Variants in TMEM42 observed in about 807,000 individuals in gnomAD.
TMEM42 encodes the protein transmembrane protein 42.
In TMEM42, 8 loss-of-function variants were observed where a neutral mutation model predicts 14.0. The ratio of observed to expected loss-of-function variants is 0.57; its 90% CI spans 0.34 to 1.03. TMEM42 has a LOEUF of 1.03. Among genes scored for constraint, TMEM42 ranks in the 50% least tolerant of loss-of-function variants. TMEM42 has a pLI of 0.03. For synonymous variants in TMEM42, 115 were observed against 94.3 expected (o/e 1.22, Z -1.27); for missense variants, 211 against 219.8 (o/e 0.96, Z 0.25).
chr3:44,864,015 G>A lies in TMEM42; in HGVS notation c.193-182G>A, dbSNP rs145274232. On this transcript the variant is annotated intron_variant, in intron 1 of 2. Transcript: ENST00000302392. The stretch of plus-strand genomic sequence containing the variant: ...CTGAATTTGCTTTATTTGTAAGATG[G>A]GTCTGCTGCCCACTGAGGGTTAAGT... 2.8e-4 allele frequency: 170 copies of A among 607,748 alleles called. No individual in the cohort carries two copies. In the African/African-American group the frequency reaches 2.8e-3, roughly 10 times the overall value. The allele number at this position is 607,748 out of a possible 1,614,324, so 37.6% of individuals were successfully genotyped here. A position where few individuals can be genotyped will look rare whatever the true frequency, so the allele number is the denominator to read the frequency against.
Position 44,865,029 on chromosome 3 carries a change from T to G in TMEM42, c.340-11T>G, listed in dbSNP as rs1201623249. On this transcript the variant is annotated splice_polypyrimidine_tract_variant and intron_variant, in intron 2 of 2. Transcript: ENST00000302392. ...GAAGTTGAGTCCCTCACAGCTATCT[T>G]TGTCTCGCAGGCCTTCCTGGGCTAT... 1 of 1,613,782 alleles carries G rather than the reference T, an allele frequency of 6.2e-7. No homozygotes were observed. Among genetic ancestry groups the G allele is most frequent in the Non-Finnish European group, 8.5e-7 (1 of 1,179,852 alleles).
chr3:44,863,912 A>C (rs1398288058), intron 1 of TMEM42: 1 of 436,576 alleles, frequency 2.3e-6, no homozygotes, highest in Non-Finnish European at 4.2e-6. Context: ...TGTTCAGTAG[A>C]AAATACTGGC....
rs116892735 is a variant in TMEM42 at position 44,862,905 on chromosome 3, T to C, written c.192+789T>C. 8.5e-5 allele frequency: 13 copies of C among 152,060 alleles called. No homozygotes were observed. The East Asian group carries it at 2.3e-3, about 27-fold the overall frequency. The allele number at this position is 152,060 out of a possible 1,614,324, so 9.4% of individuals were successfully genotyped here. On this transcript the variant is annotated intron_variant, in intron 1 of 2. Transcript: ENST00000302392. ...AGGTTAGTATCCCATTGGGTGTAGT[T>C]CATGGGGTAAGTGGTCGAAAGTAAA...
chr3:44,861,946 C>G lies in TMEM42; in HGVS notation c.22C>G (p.Pro8Ala). 1.4e-6 allele frequency: 2 copies of G among 1,407,778 alleles called. No homozygotes were observed. The highest frequency in any genetic ancestry group is 1.8e-6 in the Non-Finnish European group (2 of 1,083,520). 87.2% of individuals were successfully genotyped at this position (1,407,778 alleles called of 1,614,324 possible). Residue 8 changes from proline (P) to alanine (A), a missense_variant, in exon 1 of 3, where the codon CCG becomes GCG. Pro to Ala is a conservative substitution (Grantham distance 27). Coordinates refer to ENST00000302392, the MANE Select transcript of TMEM42 (RefSeq NM_144638.3). ...CAACATGGCCGAGAGGCCGGGGCCTCCGGGCGGCGCCGTGTCCGCGACCGC... is the reference window on the plus strand; with the variant it reads ...CAACATGGCCGAGAGGCCGGGGCCTGCGGGCGGCGCCGTGTCCGCGACCGC... Reference protein sequence around the residue: MAERPGPPGGAVSATAYP... With the variant: MAERPGPAGGAVSATAYP...
Position 44,864,358 on chromosome 3 carries a change from G to C in TMEM42, c.339+15G>C. On this transcript the variant is annotated intron_variant, in intron 2 of 2. Coordinates refer to ENST00000302392, the MANE Select transcript of TMEM42 (RefSeq NM_144638.3). ...TCCTCAGCTCGGTGAGTAGCCTGAG[G>C]GTGTGGTGCTCTTGTCCTAAATCTG... 1 of 1,613,864 alleles carries C rather than the reference G, an allele frequency of 6.2e-7. No individual in the cohort carries two copies. Among genetic ancestry groups the C allele is most frequent in the Non-Finnish European group, 8.5e-7 (1 of 1,179,908 alleles).
chr3:44,865,263 C>T lies in TMEM42; in HGVS notation c.*83C>T, dbSNP rs1023276849. 51 of 1,566,998 alleles carry T rather than the reference C, an allele frequency of 3.3e-5. No homozygotes were observed. The East Asian group carries it at 3.4e-4, about 10-fold the overall frequency. On this transcript the variant is annotated 3_prime_UTR_variant, in exon 3 of 3. Transcript: ENST00000302392. ...TGTCATGTGGGACTGTATCCTAGGG[C>T]GATCCAGTTGTGCAGCCTTCTGACC...
chr3:44,861,982 AC>A lies in TMEM42; in HGVS notation c.63del (p.Ala22ArgfsTer44). 2 of 1,377,444 alleles carry A rather than the reference AC, an allele frequency of 1.5e-6. No individual in the cohort carries two copies. The highest frequency in any genetic ancestry group is 1.9e-6 in the Non-Finnish European group (2 of 1,064,908). The allele number at this position is 1,377,444 out of a possible 1,614,324, so 85.3% of individuals were successfully genotyped here. On this transcript the variant is annotated frameshift_variant, in exon 1 of 3. Coordinates refer to ENST00000302392, the MANE Select transcript of TMEM42 (RefSeq NM_144638.3). LOFTEE classifies it high-confidence loss of function. ...GAVSATAYPD[T>X]PAEFPPHLQA... ...CGTGTCCGCGACCGCGTACCCTGAC[AC>A]CCCCGCGGAATTCCCTCCGCACCTC...
In TMEM42 at chr3:44,864,254, A is replaced by T; in HGVS notation, c.250A>T (p.Met84Leu). 1.2e-6 allele frequency: 2 copies of T among 1,614,192 alleles called. No homozygotes were observed. The highest frequency in any genetic ancestry group is 8.5e-7 in the Non-Finnish European group (1 of 1,180,048). ...IIVMASTNSL[M>L]WTFFSRGLSF... ...TGTGATGGCGAGCACCAATTCTCTG[A>T]TGTGGACCTTCTTTAGCCGGGGCCT... Residue 84 changes from methionine (M) to leucine (L), a missense_variant, in exon 2 of 3, where the codon ATG (methionine) becomes TTG (leucine). Transcript: ENST00000302392.
intron 2 of TMEM42, 59 bp downstream of exon 2, chr3:44,864,402 T>G: frequency 1.2e-6 from 2 of 1,605,096 alleles, no homozygotes; most frequent in Non-Finnish European, 1.7e-6. Context: ...GTGAGTTGTC[T>G]TTGGATAACC....
Position 44,864,994 on chromosome 3 carries a change from C to T in TMEM42, c.340-46C>T, listed in dbSNP as rs372007880. On this transcript the variant is annotated intron_variant, in intron 2 of 2. Transcript: ENST00000302392. ...TCAGTCCCAGGAGAGTGAGGTTGTGCCCACCTGCTGAAGTTGAGTCCCTCA... is the reference window on the plus strand; with the variant it reads ...TCAGTCCCAGGAGAGTGAGGTTGTGTCCACCTGCTGAAGTTGAGTCCCTCA... The T allele has an allele frequency of 1.1e-5, 18 of 1,608,140 alleles. No individual in the cohort carries two copies. The South Asian group carries it at 1.9e-4, about 17-fold the overall frequency.
chr3:44,862,496 G>A (rs1032752174), intron 1 of TMEM42: 4 of 152,664 alleles, frequency 2.6e-5, no homozygotes, highest in Admixed American at 6.5e-5. Flanking sequence ...AGTCCCTTGT[G>A]CCTGAGCATT....
intron 1 of TMEM42, chr3:44,863,852 C>G (rs988218182): frequency 3.5e-6 from 1 of 284,210 alleles, no homozygotes; most frequent in Non-Finnish European, 6.8e-6. Context: ...ACTTGGCCCT[C>G]TGGGACTGAT....
At chr3:44,862,311 CA>C (rs1479964195) in intron 1 of TMEM42, 195 bp downstream of exon 1, 11 of 195,168 alleles carry the variant, frequency 5.6e-5, no homozygotes, top group Non-Finnish European at 9.4e-5. Context: ...GCTGGGGTGG[CA>C]GAGAGTGTTT....
Position 44,861,920 on chromosome 3 carries a change from GC to G in TMEM42, c.-4del. ...CGGGTGCCAGGCACGGTGTCAGCAG[GC>G]AACATGGCCGAGAGGCCGGGGCCTC... On this transcript the variant is annotated 5_prime_UTR_variant, in exon 1 of 3. Coordinates refer to ENST00000302392, the MANE Select transcript of TMEM42 (RefSeq NM_144638.3). 6.9e-7 allele frequency: 1 copy of G among 1,459,180 alleles called. No individual in the cohort carries two copies. Among genetic ancestry groups the G allele is most frequent in the Non-Finnish European group, 9.0e-7 (1 of 1,109,736 alleles). 90.4% of individuals were successfully genotyped at this position (1,459,180 alleles called of 1,614,324 possible). A position where few individuals can be genotyped will look rare whatever the true frequency, so the allele number is the denominator to read the frequency against.
chr3:44,863,396 C>T (rs1699285250), intron 1 of TMEM42: 1 of 141,158 alleles, frequency 7.1e-6, no homozygotes, highest in South Asian at 2.3e-4. Context: ...TTCTAAAGAT[C>T]TTCTCTTCTC....
Position 44,865,217 on chromosome 3 carries a change from G to A in TMEM42, c.*37G>A. 2 of 1,613,172 alleles carry A rather than the reference G, an allele frequency of 1.2e-6. No individual in the cohort carries two copies. The highest frequency in any genetic ancestry group is 1.7e-6 in the Non-Finnish European group (2 of 1,179,218). ...TAGACGGACCAGCTGGAAAGATCATGATGGTGGCCCAGCCTTGGGATGTCA... is the reference window on the plus strand; with the variant it reads ...TAGACGGACCAGCTGGAAAGATCATAATGGTGGCCCAGCCTTGGGATGTCA... On this transcript the variant is annotated 3_prime_UTR_variant, in exon 3 of 3. Transcript: ENST00000302392.
At position 44,862,414 on chromosome 3, in the gene TMEM42, T is replaced by C. The variant is rs1425419488; in HGVS notation, c.192+298T>C. ...TCCCTTACCAGGGACCTAAAACCTT[T>C]TCTCCGGTTGGGCTAGTTCGCTCTC... On this transcript the variant is annotated intron_variant, in intron 1 of 2. Coordinates refer to ENST00000302392, the MANE Select transcript of TMEM42 (RefSeq NM_144638.3). 4 of 153,526 alleles carry C rather than the reference T, an allele frequency of 2.6e-5. No homozygotes were observed. The East Asian group carries it at 7.7e-4, about 30-fold the overall frequency. 9.5% of individuals were successfully genotyped at this position (153,526 alleles called of 1,614,324 possible).
intron 1 of TMEM42, chr3:44,862,437 C>T (rs1400032506): frequency 6.5e-6 from 1 of 153,002 alleles, no homozygotes; most frequent in African/African-American, 2.4e-5. Context: ...CTAGTTCGCT[C>T]TCGGGGAAGA....
At chr3:44,863,305 C>T (rs1048858323) in intron 1 of TMEM42, 2 of 101,404 alleles carry the variant, frequency 2.0e-5, no homozygotes, top group African/African-American at 6.6e-5. Context: ...TCCGCACCCC[C>T]CCCCCCCGCC....
Sources: gnomAD v4.1 joint callset for allele counts on GRCh38, gnomAD v4.1.1 for gene constraint, MANE v1.5 for transcripts, NCBI Gene and HGNC (gene_info 2026-07-23, HGNC 2026-07-21) for gene names.